The following BET1 variants were observed in gnomAD, a reference collection of about 807,000 sequenced individuals.
BET1 encodes BET1 homolog.
Under a neutral mutation model 13.9 loss-of-function variants are expected in BET1, and 9 were observed. That is an observed-to-expected ratio of 0.65 (90% CI 0.39 to 1.13). The LOEUF (loss-of-function observed/expected upper bound fraction) is 1.13. Among genes scored for constraint, BET1 ranks in the 50% most tolerant of loss-of-function variants. The pLI is 0.01. For missense variants in BET1, 127 were observed against 133.6 expected (o/e 0.95, Z 0.24); for synonymous variants, 39 against 47.3 (o/e 0.82, Z 0.72).
At chr7:93,973,546 A>G (rs1365969900) in intron 5 of BET1, among the ~76,000 whole-genome samples, 1 of 151,976 alleles carries the variant, frequency 6.6e-6, no homozygotes, top group African/African-American at 2.4e-5. Flanking sequence ...AATTACTTGA[A>G]CTGCTGTATA....
chr7:93,964,488 A>G (rs1226744492), exon 7 of BET1: 1 of 152,024 alleles, frequency 6.6e-6, no homozygotes, highest in African/African-American at 2.4e-5. Context: ...GCATATATGT[A>G]CCACATTTTC....
intron 4 of BET1, among the ~76,000 whole-genome samples, chr7:93,986,828 G>A (rs1162598035): frequency 6.6e-6 from 1 of 152,182 alleles, no homozygotes; most frequent in Non-Finnish European, 1.5e-5. Context: ...TAACATCACA[G>A]TGCAATGCAT....
chr7:93,966,819 C>T (rs1422102685), intron 6 of BET1, among the ~76,000 whole-genome samples: 1 of 151,786 alleles, frequency 6.6e-6, no homozygotes, highest in Non-Finnish European at 1.5e-5. Context: ...ACTGAATCAA[C>T]CTTCCCTGGG....
intron 4 of BET1, among the ~76,000 whole-genome samples, chr7:93,978,253 C>T (rs184172812): frequency 1.3e-4 from 20 of 151,908 alleles, no homozygotes; most frequent in Non-Finnish European, 2.8e-4. Flanking sequence ...ATTTTTTTGT[C>T]GAGAGGGGTT....
At chr7:94,001,759 G>C (rs929062683) in intron 1 of BET1, among the ~76,000 whole-genome samples, 1 of 152,180 alleles carries the variant, frequency 6.6e-6, no homozygotes. Context: ...TATTTTGTGT[G>C]GCTGAGGTTC....
downstream of BET1, chr7:93,991,931 A>C (rs1795645783): frequency 3.1e-6 from 3 of 982,016 alleles, no homozygotes; most frequent in Non-Finnish European, 3.6e-6. Flanking sequence ...GGAGCATTAA[A>C]AAATTAGGAA....
intron 4 of BET1, among the ~76,000 whole-genome samples, chr7:93,985,093 A>G (rs536844204): frequency 1.3e-5 from 2 of 152,168 alleles, no homozygotes; most frequent in South Asian, 2.1e-4. Context: ...TCTCACCTCT[A>G]TATCTCTGCC....
At chr7:93,979,622 G>A (rs187749001) in intron 4 of BET1, among the ~76,000 whole-genome samples, 10 of 151,906 alleles carry the variant, frequency 6.6e-5, no homozygotes, top group Admixed American at 4.6e-4. Flanking sequence ...GCATGAGACC[G>A]GCACATTGAA....
chr7:93,971,966 A>C, intron 6 of BET1, among the ~76,000 whole-genome samples: 1 of 151,672 alleles, frequency 6.6e-6, no homozygotes, highest in Non-Finnish European at 1.5e-5. Flanking sequence ...GATATGAAAA[A>C]AGAAGCATTC....
intron 6 of BET1, among the ~76,000 whole-genome samples, chr7:93,970,825 GT>G (rs796939852): frequency 6.6e-4 from 100 of 151,788 alleles, no homozygotes; most frequent in African/African-American, 2.3e-3. Context: ...CAACCATTTA[GT>G]TTTTTTCTTT....
intron 5 of BET1, among the ~76,000 whole-genome samples, chr7:93,973,248 GT>G (rs1408190111): frequency 6.6e-6 from 1 of 151,904 alleles, no homozygotes; most frequent in Non-Finnish European, 1.5e-5. Context: ...AGAGTTTGCA[GT>G]TTTTAAGGAT....
At chr7:94,000,414 T>C (rs1489498879) in intron 1 of BET1, 2 of 152,066 alleles carry the variant, frequency 1.3e-5, no homozygotes, top group Non-Finnish European at 2.9e-5. Context: ...TTTAACATAA[T>C]TGTTGCCATC....
exon 7 of BET1, chr7:93,962,793 T>TCTGA (rs1365313170): frequency 6.6e-6 from 1 of 151,342 alleles, no homozygotes; most frequent in Non-Finnish European, 1.5e-5. Context: ...TAAACCTTTA[T>TCTGA]TAAAAAAAAA....
intron 4 of BET1, among the ~76,000 whole-genome samples, chr7:93,983,388 T>C (rs758787565): frequency 1.3e-4 from 20 of 152,168 alleles, no homozygotes; most frequent in Non-Finnish European, 2.5e-4. Context: ...TAAAAAGACA[T>C]GAACTGGTCT....
chr7:93,975,478 T>G (rs962662295), intron 5 of BET1, among the ~76,000 whole-genome samples: 4 of 152,130 alleles, frequency 2.6e-5, no homozygotes, highest in Non-Finnish European at 5.9e-5. Context: ...ATTTAGAAAA[T>G]GCATTACTAT....
At chr7:93,994,883 G>T (rs1795728643) in intron 3 of BET1, among the ~76,000 whole-genome samples, 1 of 151,968 alleles carries the variant, frequency 6.6e-6, no homozygotes, top group Non-Finnish European at 1.5e-5. Flanking sequence ...CTCGCTCGTT[G>T]CCCAGGCTGG....
chr7:93,968,596 G>T (rs1272663634), intron 6 of BET1, among the ~76,000 whole-genome samples: 1 of 151,684 alleles, frequency 6.6e-6, no homozygotes, highest in Non-Finnish European at 1.5e-5. Flanking sequence ...CTATTTTATA[G>T]ATGAGAAGAC....
At position 94,004,255 on chromosome 7, in the gene BET1, T is replaced by C; in HGVS notation, c.-39A>G. The C allele has an allele frequency of 6.2e-7, 1 of 1,613,780 alleles. No homozygotes were observed. Among genetic ancestry groups the C allele is most frequent in the African/African-American group, 1.3e-5 (1 of 74,932 alleles). ...AGAGAGAAAAGGCGGGTGCGGGGCTTTGGGTGAGTAGGAAACAGCTAGGGG... is the reference window on the plus strand; with the variant it reads ...AGAGAGAAAAGGCGGGTGCGGGGCTCTGGGTGAGTAGGAAACAGCTAGGGG... On this transcript the variant is annotated 5_prime_UTR_variant, in exon 1 of 4. Transcript: ENST00000222547.
At chr7:93,965,079 T>G (rs1562798038) in exon 7 of BET1, 1 of 152,038 alleles carries the variant, frequency 6.6e-6, no homozygotes, top group South Asian at 2.1e-4. Flanking sequence ...CCAGTGAATA[T>G]AATAACATGT....
Sources: gnomAD v4.1 joint callset for allele counts (sites outside exome capture counted in the v4.1 genomes callset) on GRCh38, gnomAD v4.1.1 for gene constraint, MANE v1.5 for transcripts, NCBI Gene and HGNC (gene_info 2026-07-23, HGNC 2026-07-21) for gene names.